LRRTM2: variants seen among roughly 807,000 people sequenced by gnomAD.
LRRTM2 encodes the protein leucine-rich repeat transmembrane neuronal protein 2.
A neutral mutation model predicts 40.7 loss-of-function variants in LRRTM2; 14 were observed. The ratio of observed to expected loss-of-function variants is 0.34; its 90% CI spans 0.23 to 0.54. The LOEUF is 0.54. Ranked by LOEUF, LRRTM2 falls within the 20% of genes least tolerant of loss-of-function variation. The probability of loss-of-function intolerance (pLI) is 0.92; values close to 1 mark genes in which losing one functional copy is unlikely to be tolerated. For synonymous variants in LRRTM2, 223 were observed against 237.6 expected (o/e 0.94, Z 0.57); for missense variants, 468 against 624.4 (o/e 0.75, Z 2.67).
At position 138,869,301 on chromosome 5, in the gene LRRTM2, A is replaced by G. The variant is rs1765113859; in HGVS notation, c.*3709T>C. The G allele has an allele frequency of 6.6e-6, 1 of 152,042 alleles. No individual in the cohort carries two copies. The highest frequency in any genetic ancestry group is 1.5e-5 in the Non-Finnish European group (1 of 68,014). The allele number at this position is 152,042 out of a possible 1,614,324, so 9.4% of individuals were successfully genotyped here. The stretch of plus-strand genomic sequence containing the variant: ...TTCTATTTGTTTTTGGCCTTATTCA[A>G]GTACTATGAGTTTGCCCCAGGTTAG... On this transcript the variant is annotated 3_prime_UTR_variant, in exon 2 of 2. Transcript: ENST00000274711.
In LRRTM2 at chr5:138,869,886, C is replaced by G. The variant is rs1465314998; in HGVS notation, c.*3124G>C. On this transcript the variant is annotated 3_prime_UTR_variant, in exon 2 of 2. Transcript: ENST00000274711. ...TTTTGATGCTGGCAGTGGGTATTCT[C>G]AGAGTTGTGTGTGGATTTACAAGTT... 1 of 152,560 alleles carries G rather than the reference C, an allele frequency of 6.6e-6. No individual in the cohort carries two copies. Among genetic ancestry groups the G allele is most frequent in the Non-Finnish European group, 1.5e-5 (1 of 68,024 alleles). 9.5% of individuals were successfully genotyped at this position (152,560 alleles called of 1,614,324 possible).
rs1351960378 is a variant in LRRTM2 at position 138,873,065 on chromosome 5, TTAA to T, written c.1493_1495del (p.Ile498del). On this transcript the variant is annotated inframe_deletion, in exon 2 of 2. Coordinates refer to ENST00000274711, the MANE Select transcript of LRRTM2 (RefSeq NM_015564.3). This position sits in a 1 kb window ranked among gnomAD's most constrained non-coding sequence, Gnocchi z 6.1. ...CTGACACTTGCACTGTCCATAACCATTAATGATGATGAAGGGTCCTTCATGGGT... is the reference window on the plus strand; with the variant it reads ...CTGACACTTGCACTGTCCATAACCATTGATGATGAAGGGTCCTTCATGGGT... The T allele has an allele frequency of 1.9e-6, 3 of 1,613,974 alleles. No homozygotes were observed. The highest frequency in any genetic ancestry group is 2.5e-6 in the Non-Finnish European group (3 of 1,179,860).
rs1430502857 is a variant in LRRTM2 at position 138,874,824 on chromosome 5, C to T, written c.4+84G>A. The stretch of plus-strand genomic sequence containing the variant: ...AAATCCAAAATATGATGGTGATTTC[C>T]CTCATAAAATGTGAATTCGGTAGCT... On this transcript the variant is annotated intron_variant, in intron 1 of 1. Coordinates refer to ENST00000274711, the MANE Select transcript of LRRTM2 (RefSeq NM_015564.3). The surrounding 1 kb of genome is among the most constrained non-coding windows in gnomAD (Gnocchi z 4.1). 2 of 1,313,206 alleles carry T rather than the reference C, an allele frequency of 1.5e-6. No individual in the cohort carries two copies. The highest frequency in any genetic ancestry group is 2.5e-5 in the South Asian group (2 of 80,080). 81.3% of individuals were successfully genotyped at this position (1,313,206 alleles called of 1,614,324 possible).
At position 138,873,956 on chromosome 5, in the gene LRRTM2, G is replaced by A. The variant is rs1750973498; in HGVS notation, c.605C>T (p.Ala202Val). Residue 202 changes from alanine to valine, a missense_variant, in exon 2 of 2, where the codon GCA becomes GTA. Transcript: ENST00000274711. The surrounding 1 kb of genome is among the most constrained non-coding windows in gnomAD (Gnocchi z 6.1). ...AAGCTCTCTCAGTTTAATTAATCCT[G>A]CAAATCCATTGCGAGCCAAACTTCG... ...RLRSLARNGF[A>V]GLIKLRELHL... 6 of 1,613,862 alleles carry A rather than the reference G, an allele frequency of 3.7e-6. No individual in the cohort carries two copies. Among genetic ancestry groups the A allele is most frequent in the Non-Finnish European group, 5.1e-6 (6 of 1,179,898 alleles).
rs946247522 is a variant in LRRTM2 at position 138,869,568 on chromosome 5, A to G, written c.*3442T>C. On this transcript the variant is annotated 3_prime_UTR_variant, in exon 2 of 2. Coordinates refer to ENST00000274711, the MANE Select transcript of LRRTM2 (RefSeq NM_015564.3). ...ACTTCAGAAAAAGAACAGGACATTT[A>G]TAGCTTTTTCCCCTGATAGCTGTGT... is the stretch of plus-strand genomic sequence containing the variant. The G allele has an allele frequency of 3.9e-5, 6 of 152,234 alleles. No individual in the cohort carries two copies. Among genetic ancestry groups the G allele is most frequent in the Non-Finnish European group, 5.9e-5 (4 of 68,026 alleles). 9.4% of individuals were successfully genotyped at this position (152,234 alleles called of 1,614,324 possible). A position where few individuals can be genotyped will look rare whatever the true frequency, so the allele number is the denominator to read the frequency against.
In LRRTM2 at chr5:138,873,074, A is replaced by G; in HGVS notation, c.1487T>C (p.Ile496Thr). 1 of 1,613,932 alleles carries G rather than the reference A, an allele frequency of 6.2e-7. No individual in the cohort carries two copies. Among genetic ancestry groups the G allele is most frequent in the Non-Finnish European group, 8.5e-7 (1 of 1,179,870 alleles). Residue 496 changes from isoleucine to threonine, a missense_variant, in exon 2 of 2, where the codon ATC (isoleucine) becomes ACC (threonine). By Grantham distance (89) the Ile-to-Thr change is moderately conservative. Transcript: ENST00000274711. The surrounding 1 kb of genome is among the most constrained non-coding windows in gnomAD (Gnocchi z 6.1). Reference sequence around the variant, plus strand: ...GCACTGTCCATAACCATTAATGATGATGAAGGGTCCTTCATGGGTGGGTTC... The same window carrying G: ...GCACTGTCCATAACCATTAATGATGGTGAAGGGTCCTTCATGGGTGGGTTC... ...EYEPTHEGPFIIINGYGQCKC... is the reference protein window; with the variant it reads ...EYEPTHEGPFTIINGYGQCKC...
rs1455098817 is a variant in LRRTM2, at chr5:138,869,454, G to A, written c.*3556C>T. 2.6e-5 allele frequency: 4 copies of A among 151,450 alleles called. No homozygotes were observed. Among genetic ancestry groups the A allele is most frequent in the Non-Finnish European group, 5.9e-5 (4 of 67,936 alleles). 9.4% of individuals were successfully genotyped at this position (151,450 alleles called of 1,614,324 possible). On this transcript the variant is annotated 3_prime_UTR_variant, in exon 2 of 2. Coordinates refer to ENST00000274711, the MANE Select transcript of LRRTM2 (RefSeq NM_015564.3). ...TGCCCCCAAACAGACTTTTCAGATA[G>A]GTCTGTCGCTGTATTCCTGTATTAG...
Position 138,874,379 on chromosome 5 carries a change from T to G in LRRTM2, c.182A>C (p.Lys61Thr), listed in dbSNP as rs1751049369. The change falls in exon 2 of 2, where the codon AAG becomes ACG. Residue 61 changes from lysine (K) to threonine (T), a missense_variant. Transcript: ENST00000274711. The surrounding 1 kb of genome is among the most constrained non-coding windows in gnomAD (Gnocchi z 4.1). Reference protein sequence around the residue: ...GFHSVPNATDKGSLGLSLRHN... With the variant: ...GFHSVPNATDTGSLGLSLRHN... ...CCTCAGGGACAGGCCCAGAGAGCCCTTGTCTGTGGCGTTTGGCACTGAGTG... is the reference window on the plus strand; with the variant it reads ...CCTCAGGGACAGGCCCAGAGAGCCCGTGTCTGTGGCGTTTGGCACTGAGTG... The G allele has an allele frequency of 6.2e-7, 1 of 1,613,910 alleles. No individual in the cohort carries two copies. The highest frequency in any genetic ancestry group is 8.5e-7 in the Non-Finnish European group (1 of 1,179,900).
rs566414414 is a variant in LRRTM2 at position 138,872,362 on chromosome 5, T to C, written c.*648A>G. The stretch of plus-strand genomic sequence containing the variant: ...GTCACTTGGATTCATTGTGTAAATA[T>C]ATTAAAGAGTCACTCAGCTTATTAG... On this transcript the variant is annotated 3_prime_UTR_variant, in exon 2 of 2. Coordinates refer to ENST00000274711, the MANE Select transcript of LRRTM2 (RefSeq NM_015564.3). 115 of 152,716 alleles carry C rather than the reference T, an allele frequency of 7.5e-4. No individual in the cohort carries two copies. Among genetic ancestry groups the C allele is most frequent in the Non-Finnish European group, 1.3e-3 (87 of 68,026 alleles). The allele number at this position is 152,716 out of a possible 1,614,324, so 9.5% of individuals were successfully genotyped here.
rs1750842525 is a variant in LRRTM2, at chr5:138,873,122, T to C, written c.1439A>G (p.Asp480Gly). The change falls in exon 2 of 2, where the codon GAC becomes GGC. Residue 480 changes from aspartate to glycine, a missense_variant. Asp to Gly is a moderately conservative substitution (Grantham distance 94, BLOSUM62 -1). Transcript: ENST00000274711. This position sits in a 1 kb window ranked among gnomAD's most constrained non-coding sequence, Gnocchi z 6.1. Reference sequence around the variant, plus strand: ...TTCATATTCATTATACGGTCCTTGGTCTGACATGTTTGACATATGGAGTCG... The same window carrying C: ...TTCATATTCATTATACGGTCCTTGGCCTGACATGTTTGACATATGGAGTCG... The part of the protein sequence containing the change: ...QTRLHMSNMS[D>G]QGPYNEYEPT... The C allele has an allele frequency of 6.2e-7, 1 of 1,613,914 alleles. No individual in the cohort carries two copies. The highest frequency in any genetic ancestry group is 1.7e-5 in the Admixed American group (1 of 60,004).
chr5:138,872,893 C>T lies in LRRTM2; in HGVS notation c.*117G>A. 1.5e-6 allele frequency: 1 copy of T among 646,942 alleles called. No individual in the cohort carries two copies. The highest frequency in any genetic ancestry group is 2.5e-6 in the Non-Finnish European group (1 of 399,642). 40.1% of individuals were successfully genotyped at this position (646,942 alleles called of 1,614,324 possible). On this transcript the variant is annotated 3_prime_UTR_variant, in exon 2 of 2. Transcript: ENST00000274711. The stretch of plus-strand genomic sequence containing the variant: ...TTCAACACTTCAAAAACTAAGTCTC[C>T]ACTTAGTTTGGAAAATTAGGCTTAA...
Position 138,874,833 on chromosome 5 carries a change from A to T in LRRTM2, c.4+75T>A, listed in dbSNP as rs1052397111. On this transcript the variant is annotated intron_variant, in intron 1 of 1. Transcript: ENST00000274711. This position sits in a 1 kb window ranked among gnomAD's most constrained non-coding sequence, Gnocchi z 4.1. ...ATATGATGGTGATTTCCCTCATAAAATGTGAATTCGGTAGCTTATTTTAAA... is the reference window on the plus strand; with the variant it reads ...ATATGATGGTGATTTCCCTCATAAATTGTGAATTCGGTAGCTTATTTTAAA... The T allele has an allele frequency of 3.6e-6, 5 of 1,401,770 alleles. No individual in the cohort carries two copies. Among genetic ancestry groups the T allele is most frequent in the Non-Finnish European group, 5.0e-6 (5 of 999,224 alleles). 86.8% of individuals were successfully genotyped at this position (1,401,770 alleles called of 1,614,324 possible).
rs113076701 is a variant in LRRTM2 at position 138,875,281 on chromosome 5, T to C, written c.-370A>G. The C allele has an allele frequency of 3.3e-5, 17 of 513,740 alleles. No homozygotes were observed. Among genetic ancestry groups the C allele is most frequent in the Non-Finnish European group, 4.4e-5 (17 of 383,732 alleles). 31.8% of individuals were successfully genotyped at this position (513,740 alleles called of 1,614,324 possible). ...GTGGCTTGTTGCAGAGAAGAGCTCCTGGAGCAGCATGAGTGCATTTACTGA... is the reference window on the plus strand; with the variant it reads ...GTGGCTTGTTGCAGAGAAGAGCTCCCGGAGCAGCATGAGTGCATTTACTGA... On this transcript the variant is annotated 5_prime_UTR_variant, in exon 1 of 2. Transcript: ENST00000274711.
In LRRTM2 at chr5:138,874,997, C is replaced by G; in HGVS notation, c.-86G>C. ...TGTAAAAGGCTCTAACATGTAGGAG[C>G]CTTTGACCAGTTTCCTGTTTTCTGT... On this transcript the variant is annotated 5_prime_UTR_variant, in exon 1 of 2. Coordinates refer to ENST00000274711, the MANE Select transcript of LRRTM2 (RefSeq NM_015564.3). The surrounding 1 kb of genome is among the most constrained non-coding windows in gnomAD (Gnocchi z 4.1). The G allele has an allele frequency of 7.3e-7, 1 of 1,376,100 alleles. No individual in the cohort carries two copies. Among genetic ancestry groups the G allele is most frequent in the Non-Finnish European group, 1.0e-6 (1 of 977,786 alleles). 85.2% of individuals were successfully genotyped at this position (1,376,100 alleles called of 1,614,324 possible).
Position 138,873,607 on chromosome 5 carries a change from T to G in LRRTM2, c.954A>C (p.Arg318=), listed in dbSNP as rs373602374. Residue 318 remains arginine (R), a synonymous_variant, in exon 2 of 2, where the codon CGA becomes CGC. Transcript: ENST00000274711. The surrounding 1 kb of genome is among the most constrained non-coding windows in gnomAD (Gnocchi z 6.1). ...CCAGCCAGGAGGCCAGAGCACATAT[T>G]CGGGCGCTGCATTCCCACAGATTGC... ...LSGNLWECSA[R]ICALASWLGS... 1.9e-5 allele frequency: 30 copies of G among 1,613,900 alleles called. No individual in the cohort carries two copies. Among genetic ancestry groups the G allele is most frequent in the Non-Finnish European group, 2.3e-5 (27 of 1,179,904 alleles).
chr5:138,873,745 C>T lies in LRRTM2; in HGVS notation c.816G>A (p.Val272=). The change falls in exon 2 of 2, where the codon GTG becomes GTA. Residue 272 remains valine (V), a synonymous_variant. Coordinates refer to ENST00000274711, the MANE Select transcript of LRRTM2 (RefSeq NM_015564.3). The surrounding 1 kb of genome is among the most constrained non-coding windows in gnomAD (Gnocchi z 6.1). ...GNEIKAIDLT[V]FETMPNLKIL... is the part of the protein sequence containing the mutation. ...TTTTAAGATTGGGCATCGTTTCAAA[C>T]ACTGTCAAGTCGATGGCTTTGATTT... The T allele has an allele frequency of 5.0e-6, 8 of 1,614,016 alleles. No homozygotes were observed. The highest frequency in any genetic ancestry group is 6.8e-6 in the Non-Finnish European group (8 of 1,179,892).
At position 138,875,191 on chromosome 5, in the gene LRRTM2, C is replaced by G. The variant is rs1751220523; in HGVS notation, c.-280G>C. ...ACCTCTAACTGCTCAGCTGGTTAATCAAAGCTTCAGTCTCCTTTCCGCAGC... is the reference window on the plus strand; with the variant it reads ...ACCTCTAACTGCTCAGCTGGTTAATGAAAGCTTCAGTCTCCTTTCCGCAGC... On this transcript the variant is annotated 5_prime_UTR_variant, in exon 1 of 2. An upstream open reading frame in the 5' UTR loses its in-frame stop. Coordinates refer to ENST00000274711, the MANE Select transcript of LRRTM2 (RefSeq NM_015564.3). 2.8e-6 allele frequency: 1 copy of G among 353,442 alleles called. No homozygotes were observed. The highest frequency in any genetic ancestry group is 5.0e-6 in the Non-Finnish European group (1 of 201,536). 21.9% of individuals were successfully genotyped at this position (353,442 alleles called of 1,614,324 possible). A position where few individuals can be genotyped will look rare whatever the true frequency, so the allele number is the denominator to read the frequency against.
chr5:138,872,967 A>T lies in LRRTM2; in HGVS notation c.*43T>A, dbSNP rs748734869. On this transcript the variant is annotated 3_prime_UTR_variant, in exon 2 of 2. Transcript: ENST00000274711. ...TATGTATTTAGCCTCTACTATGTAA[A>T]ATAGGTTACTTATCTGATGTGATTT... is the stretch of plus-strand genomic sequence containing the variant. 10 of 1,417,708 alleles carry T rather than the reference A, an allele frequency of 7.1e-6. No homozygotes were observed. The highest frequency in any genetic ancestry group is 3.7e-4 in the Middle Eastern group (2 of 5,382). 87.8% of individuals were successfully genotyped at this position (1,417,708 alleles called of 1,614,324 possible). A position where few individuals can be genotyped will look rare whatever the true frequency, so the allele number is the denominator to read the frequency against.
At position 138,873,656 on chromosome 5, in the gene LRRTM2, G is replaced by C; in HGVS notation, c.905C>G (p.Ser302Cys). The C allele has an allele frequency of 6.2e-7, 1 of 1,614,038 alleles. No individual in the cohort carries two copies. The highest frequency in any genetic ancestry group is 8.5e-7 in the Non-Finnish European group (1 of 1,179,896). Residue 302 changes from serine (S) to cysteine (C), a missense_variant, in exon 2 of 2, where the codon TCC becomes TGC. Transcript: ENST00000274711. This position sits in a 1 kb window ranked among gnomAD's most constrained non-coding sequence, Gnocchi z 6.1. ...LDSKILNSLR[S>C]LTTVGLSGNL... ...GCCAGAGAGACCAACGGTTGTGAGG[G>C]ATCTCAGGGAGTTTAAGATCTTGGA... is the stretch of plus-strand genomic sequence containing the variant.
Sources: allele counts gnomAD v4.1 joint callset, GRCh38; gene constraint gnomAD v4.1.1; non-coding constraint Gnocchi (gnomAD v3.1); transcripts MANE v1.5; gene names NCBI Gene and HGNC (gene_info 2026-07-23, HGNC 2026-07-21).